The following GRM7 variants were observed in gnomAD, a reference collection of about 807,000 sequenced individuals.
The protein encoded by GRM7 is glutamate metabotropic receptor 7, also known as metabotropic glutamate receptor 7.
Under a neutral mutation model 84.5 loss-of-function variants are expected in GRM7, and 35 were observed. The observed-to-expected ratio is 0.41, with a 90% CI of 0.32 to 0.55. GRM7 has a LOEUF of 0.55. Ranked by LOEUF, GRM7 falls within the 20% of genes least tolerant of loss-of-function variation. The probability of loss-of-function intolerance (pLI) is 0.19; values close to 1 mark genes in which losing one functional copy is unlikely to be tolerated. For missense variants in GRM7, 1,003 were observed against 1,194.6 expected (o/e 0.84, Z 2.36); for synonymous variants, 487 against 455.1 (o/e 1.07, Z -0.89).
chr3:7,231,015 G>A (rs1438361285), intron 2 of GRM7, among the ~76,000 whole-genome samples: 2 of 152,122 alleles, frequency 1.3e-5, no homozygotes, highest in Non-Finnish European at 2.9e-5. Flanking sequence ...CTGCCCAATA[G>A]GGTTACATTT....
chr3:7,273,407 A>G (rs983511031), intron 2 of GRM7, among the ~76,000 whole-genome samples: 1 of 152,082 alleles, frequency 6.6e-6, no homozygotes, highest in African/African-American at 2.4e-5. Flanking sequence ...CTATGTCCTC[A>G]CTAATTTTCT....
At chr3:6,972,868 A>G (rs1488595790) in intron 1 of GRM7, among the ~76,000 whole-genome samples, 1 of 151,946 alleles carries the variant, frequency 6.6e-6, no homozygotes, top group Non-Finnish European at 1.5e-5. Flanking sequence ...AGCAAACCAC[A>G]CTCTCACAGC....
chr3:7,276,201 ATATATATGTGTG>A (rs1267610331), intron 2 of GRM7, among the ~76,000 whole-genome samples: 43 of 134,234 alleles, frequency 3.2e-4, no homozygotes, highest in Middle Eastern at 7.3e-3. Context: ...TTATATATAT[ATATATATGTGTG>A]TGTGTGTGTG....
At chr3:7,430,569 C>T (rs940376989) in intron 5 of GRM7, among the ~76,000 whole-genome samples, 4 of 152,226 alleles carry the variant, frequency 2.6e-5, no homozygotes, top group African/African-American at 9.6e-5. Flanking sequence ...AAGTTAGGCA[C>T]ATACCGATCT....
At chr3:7,181,049 C>T (rs1249542426) in intron 2 of GRM7, among the ~76,000 whole-genome samples, 1 of 152,176 alleles carries the variant, frequency 6.6e-6, no homozygotes, top group African/African-American at 2.4e-5. Context: ...TTATTTCCCT[C>T]TCTGCTACAG....
chr3:7,050,642 T>C (rs1696962574), intron 1 of GRM7, among the ~76,000 whole-genome samples: 2 of 151,924 alleles, frequency 1.3e-5, no homozygotes, highest in Admixed American at 1.3e-4. Context: ...AACCATAATC[T>C]ACACAAATGC....
At chr3:7,467,268 T>A (rs1698498992) in intron 7 of GRM7, among the ~76,000 whole-genome samples, 1 of 152,152 alleles carries the variant, frequency 6.6e-6, no homozygotes, top group Non-Finnish European at 1.5e-5. Flanking sequence ...TTTGTATTTT[T>A]AGTAGAGATG....
chr3:7,370,597 A>G (rs768551642), intron 4 of GRM7, among the ~76,000 whole-genome samples: 1 of 152,086 alleles, frequency 6.6e-6, no homozygotes, highest in Non-Finnish European at 1.5e-5. Context: ...TATCAGCAGC[A>G]TGAAAATGGA....
intron 2 of GRM7, among the ~76,000 whole-genome samples, chr3:7,215,664 CAAAAAAAT>C (rs1372242400): frequency 2.9e-5 from 4 of 137,176 alleles, no homozygotes; most frequent in African/African-American, 1.0e-4. Flanking sequence ...GACTCTGTCT[CAAAAAAAT>C]AAATAAATAA....
Position 7,547,256 on chromosome 3 carries a change from G to C in GRM7, c.1516-31166G>C, listed in dbSNP as rs552621780. On this transcript the variant is annotated intron_variant, in intron 7 of 9. Transcript: ENST00000357716. Reference sequence around the variant, plus strand: ...GAGTCTCACTCTGTCGCCCAGGCTGGAGTGCAGTGGCGTAATCTCGCCTCA... The same window carrying C: ...GAGTCTCACTCTGTCGCCCAGGCTGCAGTGCAGTGGCGTAATCTCGCCTCA... 4.2e-4 allele frequency among the ~76,000 whole-genome samples: 60 copies of C among 143,038 alleles called. No individual in the cohort carries two copies. The South Asian group carries it at 0.013, about 32-fold the overall frequency. The allele number at this position is 143,038 out of a possible 152,430, so 93.8% of individuals were successfully genotyped here. A position where few individuals can be genotyped will look rare whatever the true frequency, so the allele number is the denominator to read the frequency against.
At chr3:7,707,493 G>A (rs1701427320) in intron 9 of GRM7, among the ~76,000 whole-genome samples, 1 of 152,120 alleles carries the variant, frequency 6.6e-6, no homozygotes, top group South Asian at 2.1e-4. Context: ...TTTCCATGGA[G>A]GCCGCCACTT....
intron 5 of GRM7, among the ~76,000 whole-genome samples, chr3:7,420,540 C>A (rs1227783593): frequency 6.6e-6 from 1 of 152,100 alleles, no homozygotes; most frequent in Non-Finnish European, 1.5e-5. Context: ...ATGATTTCAT[C>A]TCTGTGAGCA....
At chr3:7,432,717 G>A (rs1205946627) in intron 5 of GRM7, among the ~76,000 whole-genome samples, 1 of 152,010 alleles carries the variant, frequency 6.6e-6, no homozygotes, top group Non-Finnish European at 1.5e-5. Context: ...CTACCAATGT[G>A]TTCTATCAAA....
intron 7 of GRM7, among the ~76,000 whole-genome samples, chr3:7,532,661 A>G (rs909772868): frequency 2.2e-4 from 34 of 151,954 alleles, no homozygotes; most frequent in Middle Eastern, 3.4e-3. Context: ...GTCTTCTGCT[A>G]GCTTTTGAAT....
intron 4 of GRM7, among the ~76,000 whole-genome samples, chr3:7,351,339 G>GGAAAA (rs1553564946): frequency 2.2e-5 from 1 of 45,904 alleles, no homozygotes; most frequent in Non-Finnish European, 3.9e-5. Flanking sequence ...TCCCACAGGC[G>GGAAAA]AAAAAAAAAA....
chr3:6,943,977 T>C (rs2125059995), intron 1 of GRM7, among the ~76,000 whole-genome samples: 1 of 152,264 alleles, frequency 6.6e-6, no homozygotes, highest in Middle Eastern at 3.4e-3. Flanking sequence ...TTTCAATTCT[T>C]TATTTCTAGC....
intron 2 of GRM7, among the ~76,000 whole-genome samples, chr3:7,157,160 G>A (rs1384672944): frequency 6.6e-6 from 1 of 152,022 alleles, no homozygotes; most frequent in Non-Finnish European, 1.5e-5. Context: ...TCAATTCTGG[G>A]CTCCAAACTC....
chr3:7,046,059 G>T (rs549330636), intron 1 of GRM7, among the ~76,000 whole-genome samples: 2 of 152,158 alleles, frequency 1.3e-5, no homozygotes, highest in African/African-American at 4.8e-5. Context: ...GTTGCTAATA[G>T]TCATTCTAAT....
chr3:7,663,247 C>T (rs982522017), intron 8 of GRM7, among the ~76,000 whole-genome samples: 24 of 152,306 alleles, frequency 1.6e-4, no homozygotes, highest in African/African-American at 5.8e-4. Context: ...GCAGACTCAA[C>T]TGGTCTCAGC....
Sources: gnomAD v4.1 joint callset for allele counts (sites outside exome capture counted in the v4.1 genomes callset) on GRCh38, gnomAD v4.1.1 for gene constraint, MANE v1.5 for transcripts, NCBI Gene and HGNC (gene_info 2026-07-23, HGNC 2026-07-21) for gene names.